Variants in TMEM178B observed in about 807,000 individuals in gnomAD.
The protein encoded by TMEM178B is transmembrane protein 178B.
TMEM178B carries 5 observed loss-of-function variants against 31.0 expected under a neutral mutation model. The ratio of observed to expected loss-of-function variants is 0.16; its 90% CI spans 0.08 to 0.34. The LOEUF (loss-of-function observed/expected upper bound fraction) is 0.34. Ranked by LOEUF, TMEM178B falls within the 10% of genes least tolerant of loss-of-function variation. The pLI is 1.00. For missense variants in TMEM178B, 275 were observed against 400.3 expected (o/e 0.69, Z 2.67); for synonymous variants, 164 against 164.0 (o/e 1.00, Z 0.00).
chr7:141,346,302 T>C (rs1231436950), intron 2 of TMEM178B, among the ~76,000 whole-genome samples: 2 of 152,088 alleles, frequency 1.3e-5, no homozygotes, highest in Non-Finnish European at 2.9e-5. Context: ...CAGTAAATCA[T>C]GCTATAGAAA....
At chr7:141,426,545 C>T (rs187870293) in intron 2 of TMEM178B, among the ~76,000 whole-genome samples, 38 of 151,994 alleles carry the variant, frequency 2.5e-4, no homozygotes, top group South Asian at 1.0e-3. Context: ...CAGTGGGGAC[C>T]CATGTTGGCA....
chr7:141,258,211 TTCATA>T (rs1797959023), intron 2 of TMEM178B, among the ~76,000 whole-genome samples: 1 of 151,762 alleles, frequency 6.6e-6, no homozygotes, highest in Non-Finnish European at 1.5e-5. Flanking sequence ...GTATTTCATC[TTCATA>T]TGTTATAAAC....
intron 2 of TMEM178B, among the ~76,000 whole-genome samples, chr7:141,326,911 T>G (rs538399293): frequency 1.3e-5 from 2 of 152,334 alleles, no homozygotes; most frequent in African/African-American, 4.8e-5. Flanking sequence ...GATATTTGGT[T>G]AGTGGGATGA....
the TMEM178B span, among the ~76,000 whole-genome samples, chr7:141,509,651 AAAAACAAAACAAAAC>A: frequency 6.6e-6 from 1 of 152,168 alleles, no homozygotes; most frequent in Non-Finnish European, 1.5e-5. Flanking sequence ...ATTCCTTCTC[AAAAACAAAACAAAAC>A]AAAACAAAAC....
intron 1 of TMEM178B, among the ~76,000 whole-genome samples, chr7:141,191,559 G>C (rs1205256510): frequency 6.6e-6 from 1 of 152,196 alleles, no homozygotes; most frequent in Non-Finnish European, 1.5e-5. Context: ...GTTACAAATG[G>C]CATTCAGTGT....
intron 2 of TMEM178B, among the ~76,000 whole-genome samples, chr7:141,291,788 GA>G (rs758121172): frequency 6.0e-5 from 9 of 151,196 alleles, no homozygotes; most frequent in African/African-American, 1.9e-4. Context: ...TTCTTACAAT[GA>G]AAAAAAAAGT....
rs369339968 is a variant in TMEM178B, at chr7:141,143,530, T to A, written c.382+68838T>A. Among the ~76,000 whole-genome samples, 78 of 152,312 alleles carry A rather than the reference T, an allele frequency of 5.1e-4. No homozygotes were observed. In the East Asian group the frequency reaches 7.3e-3, roughly 14 times the overall value. Reference sequence around the variant, plus strand: ...TTGTCAAAGATCAGATGGTTGTAGGTGTGTGGCTCTATTTCTGGTTTCTCT... The same window carrying A: ...TTGTCAAAGATCAGATGGTTGTAGGAGTGTGGCTCTATTTCTGGTTTCTCT... On this transcript the variant is annotated intron_variant, in intron 1 of 3. Coordinates refer to ENST00000565468, the MANE Select transcript of TMEM178B (RefSeq NM_001195278.2).
intron 2 of TMEM178B, among the ~76,000 whole-genome samples, chr7:141,269,859 G>A (rs1798154122): frequency 6.6e-6 from 1 of 152,162 alleles, no homozygotes; most frequent in Non-Finnish European, 1.5e-5. Flanking sequence ...GAGGCCAGGG[G>A]TTCAAGACCA....
At chr7:141,507,960 T>G in the TMEM178B span, among the ~76,000 whole-genome samples, 1 of 152,222 alleles carries the variant, frequency 6.6e-6, no homozygotes, top group South Asian at 2.1e-4. Context: ...CCCATGATCT[T>G]GGGCATTAAC....
At chr7:141,337,588 A>G (rs1799446154) in intron 2 of TMEM178B, among the ~76,000 whole-genome samples, 2 of 152,208 alleles carry the variant, frequency 1.3e-5, no homozygotes, top group South Asian at 4.1e-4. Context: ...TAATTTGCCC[A>G]AGGTCATAGA....
intron 2 of TMEM178B, among the ~76,000 whole-genome samples, chr7:141,324,815 G>C (rs1311511041): frequency 6.6e-6 from 1 of 152,062 alleles, no homozygotes; most frequent in Non-Finnish European, 1.5e-5. Context: ...TTGGTTGGTT[G>C]TCTTTGTGGA....
intron 1 of TMEM178B, among the ~76,000 whole-genome samples, chr7:141,095,874 T>C (rs1794951551): frequency 6.6e-6 from 1 of 152,242 alleles, no homozygotes; most frequent in African/African-American, 2.4e-5. Flanking sequence ...CTCACGGTGC[T>C]GTGTTGAATT....
chr7:141,216,447 G>T (rs1797149424), intron 2 of TMEM178B, among the ~76,000 whole-genome samples: 1 of 53,690 alleles, frequency 1.9e-5, no homozygotes, highest in African/African-American at 4.5e-5. Context: ...GTGTGTGTGT[G>T]TGCGCGCGCG....
At chr7:141,220,883 A>T (rs1797246785) in intron 2 of TMEM178B, among the ~76,000 whole-genome samples, 1 of 152,150 alleles carries the variant, frequency 6.6e-6, no homozygotes, top group South Asian at 2.1e-4. Context: ...GAGAACCCCC[A>T]TGTTGGGTGC....
At chr7:141,107,975 A>G (rs1302287767) in intron 1 of TMEM178B, among the ~76,000 whole-genome samples, 4 of 152,220 alleles carry the variant, frequency 2.6e-5, no homozygotes, top group African/African-American at 9.6e-5. Flanking sequence ...TCAAGTGAAG[A>G]AAGTGTTTCC....
the TMEM178B span, among the ~76,000 whole-genome samples, chr7:141,502,050 C>G: frequency 6.6e-6 from 1 of 152,142 alleles, no homozygotes; most frequent in Admixed American, 6.5e-5. Flanking sequence ...GTCTGTCCAC[C>G]TGTGCTCTTG....
At chr7:141,198,629 GC>G (rs1424186395) in intron 1 of TMEM178B, among the ~76,000 whole-genome samples, 2 of 152,120 alleles carry the variant, frequency 1.3e-5, no homozygotes, top group Non-Finnish European at 2.9e-5. Flanking sequence ...CCCCTTGCTG[GC>G]CCATCCTTCA....
At position 141,344,610 on chromosome 7, in the gene TMEM178B, TCC is replaced by T. The variant is rs1799583751; in HGVS notation, c.497-92997_497-92996del. 7.2e-6 allele frequency among the ~76,000 whole-genome samples: 1 copy of T among 138,354 alleles called. No individual in the cohort carries two copies. The highest frequency in any genetic ancestry group is 1.6e-5 in the Non-Finnish European group (1 of 62,714). The allele number at this position is 138,354 out of a possible 152,430, so 90.8% of individuals were successfully genotyped here. ...TTCCTTCCTTCCTTCCTTCCTTCCT[TCC>T]TTCCTTCCTTCCTTCCTCCCTTCCT... On this transcript the variant is annotated intron_variant, in intron 2 of 3. Transcript: ENST00000565468. This position sits in a 1 kb window ranked among gnomAD's most constrained non-coding sequence, Gnocchi z 4.1.
chr7:141,230,802 A>G (rs1401233856), intron 2 of TMEM178B, among the ~76,000 whole-genome samples: 1 of 151,946 alleles, frequency 6.6e-6, no homozygotes, highest in African/African-American at 2.4e-5. Context: ...GCACCTGGCT[A>G]ATTTTTATTT....
Sources: allele counts gnomAD v4.1 joint callset (sites outside exome capture counted in the v4.1 genomes callset), GRCh38; gene constraint gnomAD v4.1.1; non-coding constraint Gnocchi (gnomAD v3.1); transcripts MANE v1.5; gene names NCBI Gene and HGNC (gene_info 2026-07-23, HGNC 2026-07-21).